Variants in ABCA12 observed in about 807,000 individuals in gnomAD.
ABCA12 encodes ATP binding cassette subfamily A member 12.
ABCA12 carries 156 observed loss-of-function variants against 293.5 expected under a neutral mutation model. That is an observed-to-expected ratio of 0.53 (90% CI 0.47 to 0.61). The LOEUF (loss-of-function observed/expected upper bound fraction) is 0.61, where lower values mean the gene tolerates loss of function less well. Among genes scored for constraint, ABCA12 ranks in the 20% least tolerant of loss-of-function variants. The pLI, the probability that ABCA12 is intolerant of heterozygous loss-of-function variation, is 0.00. For synonymous variants in ABCA12, 1,063 were observed against 1,108.0 expected (o/e 0.96, Z 0.81); for missense variants, 2,797 against 3,090.2 (o/e 0.91, Z 2.25).
At chr2:214,976,201 C>A (rs1294311200) in intron 33 of ABCA12, among the ~76,000 whole-genome samples, 164 bp from the exon 34 acceptor site, 2 of 152,258 alleles carry the variant, frequency 1.3e-5, no homozygotes, top group East Asian at 1.9e-4. Context: ...TAGCCTTGGA[C>A]CTTCCATTGG....
chr2:214,968,591 G>T, intron 38 of ABCA12, 129 bp downstream of exon 38: 1 of 845,530 alleles, frequency 1.2e-6, no homozygotes, highest in Non-Finnish European at 2.0e-6. Flanking sequence ...TGGAACCACT[G>T]TGCCCTGGGT....
intron 39 of ABCA12, among the ~76,000 whole-genome samples, chr2:214,959,453 A>G (rs1182136323): frequency 3.3e-5 from 5 of 152,140 alleles, no homozygotes; most frequent in Non-Finnish European, 7.4e-5. Flanking sequence ...TTACATTTAA[A>G]TAAGCAATTC....
At chr2:215,110,249 G>A (rs755010400) in intron 2 of ABCA12, among the ~76,000 whole-genome samples, 2 of 152,144 alleles carry the variant, frequency 1.3e-5, no homozygotes, top group East Asian at 1.9e-4. Context: ...GGTGGCTCAC[G>A]CCTGTAATCC....
At chr2:214,973,909 C>T (rs370962616) in intron 36 of ABCA12, 40 bp downstream of exon 36, 32 of 1,511,812 alleles carry the variant, frequency 2.1e-5, no homozygotes, top group South Asian at 9.0e-5. Flanking sequence ...TATTTATTCC[C>T]GTATTTTTCC....
chr2:215,097,208 A>C (rs1401662513), intron 2 of ABCA12, among the ~76,000 whole-genome samples: 1 of 152,082 alleles, frequency 6.6e-6, no homozygotes, highest in Non-Finnish European at 1.5e-5. Flanking sequence ...TTTCCTTACA[A>C]AACTCCCCAC....
Position 214,945,075 on chromosome 2 carries a change from C to G in ABCA12, c.7269G>C (p.Lys2423Asn), listed in dbSNP as rs1248260000. 1 of 1,613,690 alleles carries G rather than the reference C, an allele frequency of 6.2e-7. No homozygotes were observed. The highest frequency in any genetic ancestry group is 1.7e-5 in the Admixed American group (1 of 59,926). ...TGATCTTCCAGAGGTGCCGTTTCGACTTCGGATCCATGCCAGAGCTCGGCT... is the reference window on the plus strand; with the variant it reads ...TGATCTTCCAGAGGTGCCGTTTCGAGTTCGGATCCATGCCAGAGCTCGGCT... The part of the protein sequence containing the change: ...LDEPSSGMDP[K>N]SKRHLWKIIS... Residue 2423 changes from lysine to asparagine, a missense_variant, in exon 49 of 53, where the codon AAG becomes AAC. Coordinates refer to ENST00000272895, the MANE Select transcript of ABCA12 (RefSeq NM_173076.3).
chr2:214,946,151 A>G (rs1024197485), intron 48 of ABCA12, among the ~76,000 whole-genome samples: 15 of 152,160 alleles, frequency 9.9e-5, no homozygotes, highest in African/African-American at 3.4e-4. Flanking sequence ...ATCATTACAT[A>G]TTGTATACAG....
Position 214,989,478 on chromosome 2 carries a change from C to A in ABCA12, c.3695-15G>T. The A allele has an allele frequency of 6.2e-7, 1 of 1,613,752 alleles. No individual in the cohort carries two copies. The highest frequency in any genetic ancestry group is 8.5e-7 in the Non-Finnish European group (1 of 1,179,912). ...CCACTGAAGACCTAAAAAGTGAACA[C>A]AAGTGTTTATTCTTCTGTGACACAC... On this transcript the variant is annotated splice_polypyrimidine_tract_variant and intron_variant, in intron 25 of 52. Coordinates refer to ENST00000272895, the MANE Select transcript of ABCA12 (RefSeq NM_173076.3).
intron 1 of ABCA12, among the ~76,000 whole-genome samples, chr2:215,123,259 C>T: frequency 6.6e-6 from 1 of 152,254 alleles, no homozygotes; most frequent in South Asian, 2.1e-4. Context: ...CTGCAACCTC[C>T]ACCTCCTAGA....
intron 2 of ABCA12, among the ~76,000 whole-genome samples, chr2:215,066,468 T>C (rs1239030776): frequency 6.6e-6 from 1 of 152,014 alleles, no homozygotes; most frequent in African/African-American, 2.4e-5. Context: ...AAAGATGTCA[T>C]GGAAAAAAGA....
At chr2:214,953,702 TA>T (rs954767145) in intron 44 of ABCA12, 151 bp downstream of exon 44, 1 of 941,670 alleles carries the variant, frequency 1.1e-6, no homozygotes, top group African/African-American at 1.7e-5. Flanking sequence ...TAGAATAAAA[TA>T]AATAGTGAAT....
intron 30 of ABCA12, among the ~76,000 whole-genome samples, chr2:214,981,966 A>ATTTTTTTTTTTTTTTTTTTTTTTTT (rs1699672786): frequency 8.9e-6 from 1 of 112,880 alleles, no homozygotes; most frequent in African/African-American, 3.9e-5. Context: ...TATTATTATT[A>ATTTTTTTTTTTTTTTTTTTTTTTTT]TTATTATTAT....
chr2:215,117,077 G>T (rs1447930044), intron 1 of ABCA12, among the ~76,000 whole-genome samples: 1 of 152,142 alleles, frequency 6.6e-6, no homozygotes, highest in Non-Finnish European at 1.5e-5. Context: ...AAGTATCTGG[G>T]GGTAATGGAG....
At chr2:215,090,801 C>T (rs1318515590) in intron 2 of ABCA12, among the ~76,000 whole-genome samples, 1 of 151,992 alleles carries the variant, frequency 6.6e-6, no homozygotes, top group Non-Finnish European at 1.5e-5. Flanking sequence ...CTAGATTTAC[C>T]TTTTTACTAC....
chr2:215,039,058 G>T (rs945019874), intron 7 of ABCA12: 1 of 152,174 alleles, frequency 6.6e-6, no homozygotes, highest in African/African-American at 2.4e-5. Flanking sequence ...TTTAAAAAGA[G>T]TTTTTGTGAT....
chr2:215,109,158 A>T (rs34092853), intron 2 of ABCA12, among the ~76,000 whole-genome samples: 23,981 of 152,008 alleles, frequency 0.16, 2,585 homozygotes, highest in African/African-American at 0.29. Flanking sequence ...TTACAAAATT[A>T]CATTTTATAT....
chr2:215,045,318 G>A (rs1701180006), intron 7 of ABCA12, among the ~76,000 whole-genome samples: 1 of 152,066 alleles, frequency 6.6e-6, no homozygotes, highest in Non-Finnish European at 1.5e-5. Context: ...ATATACCAAG[G>A]CTAACTGATA....
chr2:215,086,253 T>G (rs1225188670), intron 2 of ABCA12, among the ~76,000 whole-genome samples: 1 of 152,214 alleles, frequency 6.6e-6, no homozygotes, highest in Non-Finnish European at 1.5e-5. Context: ...AACTATCAAT[T>G]AACTTTTGTA....
chr2:215,015,408 T>C lies in ABCA12; in HGVS notation c.1956+82A>G, dbSNP rs1269048050. 37 of 1,307,566 alleles carry C rather than the reference T, an allele frequency of 2.8e-5. 1 individual carries two copies. Among genetic ancestry groups the C allele is most frequent in the Non-Finnish European group, 4.0e-5 (37 of 925,126 alleles). 81.0% of individuals were successfully genotyped at this position (1,307,566 alleles called of 1,614,324 possible). A position where few individuals can be genotyped will look rare whatever the true frequency, so the allele number is the denominator to read the frequency against. The stretch of plus-strand genomic sequence containing the variant: ...CCGAATAAATGGATCTCATCCCTCA[T>C]AGTATCAGAGAACATAAATGTATAA... On this transcript the variant is annotated intron_variant, in intron 15 of 52. Transcript: ENST00000272895.
Sources: gnomAD v4.1 joint callset for allele counts (sites outside exome capture counted in the v4.1 genomes callset) on GRCh38, gnomAD v4.1.1 for gene constraint, MANE v1.5 for transcripts, NCBI Gene and HGNC (gene_info 2026-07-23, HGNC 2026-07-21) for gene names.